Variants in CSMD1 observed in about 807,000 individuals in gnomAD.
The protein encoded by CSMD1 is CUB and sushi domain-containing protein 1.
A neutral mutation model predicts 417.5 loss-of-function variants in CSMD1; 213 were observed. That is an observed-to-expected ratio of 0.51 (90% CI 0.46 to 0.57). The LOEUF is 0.57. CSMD1 is among the 20% of genes least tolerant of loss of function. The probability of loss-of-function intolerance (pLI) is 0.00; values close to 1 mark genes in which losing one functional copy is unlikely to be tolerated. For synonymous variants in CSMD1, 2,862 were observed against 1,736.8 expected (o/e 1.65, Z -16.11); for missense variants, 6,923 against 4,529.7 (o/e 1.53, Z -15.17).
At chr8:3,855,569 T>C (rs1804242209) in intron 5 of CSMD1, among the ~76,000 whole-genome samples, 1 of 152,228 alleles carries the variant, frequency 6.6e-6, no homozygotes, top group Admixed American at 6.6e-5. Flanking sequence ...AAATACTGAT[T>C]AACTGAGTTT....
chr8:3,846,565 C>T (rs1407413918), intron 5 of CSMD1, among the ~76,000 whole-genome samples: 1 of 152,138 alleles, frequency 6.6e-6, no homozygotes, highest in Non-Finnish European at 1.5e-5. Flanking sequence ...AAATGTTTGA[C>T]TTTAGATTAA....
chr8:4,779,466 T>G (rs1460510610), intron 1 of CSMD1, among the ~76,000 whole-genome samples: 1 of 149,892 alleles, frequency 6.7e-6, no homozygotes, highest in Non-Finnish European at 1.5e-5. Flanking sequence ...TGAAGCTCAT[T>G]AATTTATTTT....
chr8:4,118,008 G>A (rs756493494), intron 3 of CSMD1, among the ~76,000 whole-genome samples: 2 of 149,792 alleles, frequency 1.3e-5, no homozygotes, highest in East Asian at 1.9e-4. Flanking sequence ...AAATGACATA[G>A]GTAAAAAAAA....
chr8:3,485,864 C>A (rs1368567776), intron 11 of CSMD1, among the ~76,000 whole-genome samples: 1 of 151,526 alleles, frequency 6.6e-6, no homozygotes, highest in Non-Finnish European at 1.5e-5. Flanking sequence ...ATCAGTGGAT[C>A]ATATCAAGGT....
chr8:3,680,020 G>A (rs1208021283), intron 7 of CSMD1, among the ~76,000 whole-genome samples: 1 of 151,790 alleles, frequency 6.6e-6, no homozygotes, highest in Admixed American at 6.6e-5. Context: ...AGAATCTCTG[G>A]GACACATTTA....
intron 8 of CSMD1, among the ~76,000 whole-genome samples, chr8:3,601,515 G>A (rs919258172): frequency 1.5e-4 from 23 of 152,214 alleles, no homozygotes; most frequent in Non-Finnish European, 1.2e-4. Flanking sequence ...TACCAACCTC[G>A]CTTGCACATC....
rs568801310 is a variant in CSMD1 at position 4,039,020 on chromosome 8, G to A, written c.416-6921C>T. 1.3e-4 allele frequency among the ~76,000 whole-genome samples: 19 copies of A among 151,206 alleles called. No homozygotes were observed. The South Asian group carries it at 3.8e-3, about 30-fold the overall frequency. On this transcript the variant is annotated intron_variant, in intron 3 of 69. Transcript: ENST00000635120. The stretch of plus-strand genomic sequence containing the variant: ...AATGGTTAAGTGGATGTCATATTAA[G>A]TATCTTTCCAAAAGAAAAGTGAAAG...
At chr8:3,320,311 C>T (rs553545826) in intron 23 of CSMD1, among the ~76,000 whole-genome samples, 55 of 152,250 alleles carry the variant, frequency 3.6e-4, no homozygotes, top group African/African-American at 1.2e-3. Context: ...CCCTCACACA[C>T]CCTGCCCCTG....
chr8:3,150,120 G>A lies in CSMD1; in HGVS notation c.6031+1277C>T, dbSNP rs144636003. Reference sequence around the variant, plus strand: ...TGCTGAAGGTGATTCCCAGGTCTCCGTTTCATTTAGCCCTGGCAGAATCAC... The same window carrying A: ...TGCTGAAGGTGATTCCCAGGTCTCCATTTCATTTAGCCCTGGCAGAATCAC... On this transcript the variant is annotated intron_variant, in intron 40 of 69. Transcript: ENST00000635120. Among the ~76,000 whole-genome samples the A allele has an allele frequency of 1.8e-3, 281 of 152,286 alleles. 3 individuals are homozygous for A. Among genetic ancestry groups the A allele is most frequent in the African/African-American group, 6.4e-3 (268 of 41,566 alleles).
At chr8:3,156,279 C>T (rs567162325) in intron 39 of CSMD1, among the ~76,000 whole-genome samples, 5 of 152,128 alleles carry the variant, frequency 3.3e-5, no homozygotes, top group African/African-American at 9.7e-5. Flanking sequence ...CTTGAGTGTT[C>T]GAAGACTGTG....
At chr8:3,773,533 C>T (rs774511201) in intron 5 of CSMD1, among the ~76,000 whole-genome samples, 40 of 152,138 alleles carry the variant, frequency 2.6e-4, no homozygotes, top group Non-Finnish European at 5.1e-4. Context: ...GTGATCCTCC[C>T]ACCTTGGCCT....
At chr8:3,141,538 T>A (rs1818479746) in intron 41 of CSMD1, among the ~76,000 whole-genome samples, 1 of 152,146 alleles carries the variant, frequency 6.6e-6, no homozygotes, top group African/African-American at 2.4e-5. Context: ...AGCCTCTGGT[T>A]CCAAGTCTGA....
intron 25 of CSMD1, among the ~76,000 whole-genome samples, chr8:3,294,543 C>T (rs62503429): frequency 0.49 from 74,995 of 151,918 alleles, 20,851 homozygotes; most frequent in South Asian, 0.63. Context: ...CCCCCAGCCT[C>T]GCTGCAGCCT....
intron 5 of CSMD1, among the ~76,000 whole-genome samples, chr8:3,930,418 G>T (rs549824365): frequency 6.6e-6 from 1 of 150,784 alleles, no homozygotes; most frequent in South Asian, 2.1e-4. Context: ...GTCCAAGCAA[G>T]CATTAGGTCA....
intron 3 of CSMD1, among the ~76,000 whole-genome samples, chr8:4,082,027 A>G (rs1365594006): frequency 1.3e-5 from 2 of 152,192 alleles, no homozygotes; most frequent in Admixed American, 1.3e-4. Context: ...AAAGGCAAAT[A>G]GAGAAATTAG....
chr8:3,296,755 C>T (rs1049683960), intron 25 of CSMD1, among the ~76,000 whole-genome samples: 6 of 152,128 alleles, frequency 3.9e-5, no homozygotes, highest in Middle Eastern at 6.8e-3. Context: ...TAGGTTTGTC[C>T]CTCAGAAACT....
intron 7 of CSMD1, among the ~76,000 whole-genome samples, chr8:3,619,074 A>G (rs1329222038): frequency 2.0e-5 from 3 of 152,202 alleles, no homozygotes; most frequent in Non-Finnish European, 4.4e-5. Flanking sequence ...CCATGGGTAC[A>G]CTGGGGTAAG....
intron 3 of CSMD1, among the ~76,000 whole-genome samples, chr8:4,244,569 T>C (rs1444866710): frequency 6.6e-6 from 1 of 152,152 alleles, no homozygotes; most frequent in Non-Finnish European, 1.5e-5. Context: ...GGGAAAATAC[T>C]GCGTAAATAT....
chr8:4,983,457 A>C (rs535441704), intron 1 of CSMD1, among the ~76,000 whole-genome samples: 1 of 152,372 alleles, frequency 6.6e-6, no homozygotes, highest in South Asian at 2.1e-4. Flanking sequence ...TCAGTTCTCC[A>C]GGACTTTAAG....
Sources: gnomAD v4.1 joint callset for allele counts (sites outside exome capture counted in the v4.1 genomes callset) on GRCh38, gnomAD v4.1.1 for gene constraint, MANE v1.5 for transcripts, NCBI Gene and HGNC (gene_info 2026-07-23, HGNC 2026-07-21) for gene names.